ZMAT4: variants seen among roughly 807,000 people sequenced by gnomAD.
ZMAT4 encodes zinc finger matrin-type protein 4.
Under a neutral mutation model 28.7 loss-of-function variants are expected in ZMAT4, and 17 were observed. The observed-to-expected ratio is 0.59, with a 90% CI of 0.41 to 0.89. ZMAT4 has a LOEUF of 0.89. Ranked by LOEUF, ZMAT4 falls within the 40% of genes least tolerant of loss-of-function variation. The probability of loss-of-function intolerance (pLI) is 0.00; values close to 1 mark genes in which losing one functional copy is unlikely to be tolerated. For synonymous variants in ZMAT4, 117 were observed against 109.2 expected (o/e 1.07, Z -0.44); for missense variants, 240 against 283.8 (o/e 0.85, Z 1.11).
intron 1 of ZMAT4, among the ~76,000 whole-genome samples, chr8:40,889,554 T>C (rs967135924): frequency 9.2e-5 from 14 of 152,222 alleles, no homozygotes; most frequent in African/African-American, 3.1e-4. Context: ...ATAACCACCA[T>C]GAAAATTTTG....
At chr8:40,812,537 C>A (rs1372270374) in intron 2 of ZMAT4, among the ~76,000 whole-genome samples, 1 of 152,126 alleles carries the variant, frequency 6.6e-6, no homozygotes, top group African/African-American at 2.4e-5. Context: ...AGACATGATG[C>A]AAAATATAAC....
chr8:40,851,669 A>G (rs966603191), intron 1 of ZMAT4, among the ~76,000 whole-genome samples: 4 of 152,240 alleles, frequency 2.6e-5, no homozygotes, highest in African/African-American at 9.6e-5. Flanking sequence ...TACAATGTAC[A>G]GTGACCAGAT....
chr8:40,566,358 C>T (rs1266830883), intron 6 of ZMAT4, among the ~76,000 whole-genome samples: 1 of 152,118 alleles, frequency 6.6e-6, no homozygotes, highest in Non-Finnish European at 1.5e-5. Context: ...GAGCATTGCC[C>T]AGATCTTTTT....
chr8:40,634,897 A>T (rs1806734268), intron 5 of ZMAT4, among the ~76,000 whole-genome samples: 1 of 152,250 alleles, frequency 6.6e-6, no homozygotes, highest in Admixed American at 6.5e-5. Context: ...TGATGAGGCC[A>T]TTACACACAT....
At chr8:40,668,064 T>C (rs1300585765) in intron 5 of ZMAT4, among the ~76,000 whole-genome samples, 1 of 151,916 alleles carries the variant, frequency 6.6e-6, no homozygotes, top group African/African-American at 2.4e-5. Context: ...AAAAGGAAGG[T>C]GAAGGATCTA....
rs1385104579 is a variant in ZMAT4 at position 40,767,717 on chromosome 8, G to T, written c.116C>A (p.Ala39Glu). ...RVAHYESRKH[A>E]SKVRLYYMLH... ...CATGTAATACAGTCGGACTTTGCTT[G>T]CATGTTTTCGACTCTGGGAAGGAAA... The change falls in exon 3 of 7, where the codon GCA becomes GAA. Residue 39 changes from alanine (A) to glutamate (E), a missense_variant. Coordinates refer to ENST00000297737, the MANE Select transcript of ZMAT4 (RefSeq NM_024645.3). 1 of 1,612,096 alleles carries T rather than the reference G, an allele frequency of 6.2e-7. No individual in the cohort carries two copies. The highest frequency in any genetic ancestry group is 8.5e-7 in the Non-Finnish European group (1 of 1,179,416).
intron 1 of ZMAT4, among the ~76,000 whole-genome samples, chr8:40,890,949 A>G (rs1279660430): frequency 6.6e-6 from 1 of 151,532 alleles, no homozygotes. Context: ...GCCCACCCCA[A>G]ATAAGGAGAA....
At chr8:40,747,952 T>G (rs1020888991) in intron 3 of ZMAT4, among the ~76,000 whole-genome samples, 35 of 152,110 alleles carry the variant, frequency 2.3e-4, no homozygotes, top group African/African-American at 8.2e-4. Flanking sequence ...CAATAAAATA[T>G]CAAAAATTTT....
chr8:40,820,237 C>T (rs900372874), intron 2 of ZMAT4, among the ~76,000 whole-genome samples: 7 of 126,526 alleles, frequency 5.5e-5, no homozygotes, highest in Non-Finnish European at 1.0e-4. Context: ...TGTGTGTGTA[C>T]GTGTGCGCAT....
chr8:40,892,578 A>G (rs1475465923), intron 1 of ZMAT4, among the ~76,000 whole-genome samples: 2 of 152,252 alleles, frequency 1.3e-5, no homozygotes, highest in African/African-American at 4.8e-5. Flanking sequence ...CAAATGGTCT[A>G]TTCAATTTGG....
At chr8:40,626,599 T>C (rs1406061630) in intron 5 of ZMAT4, among the ~76,000 whole-genome samples, 1 of 152,228 alleles carries the variant, frequency 6.6e-6, no homozygotes, top group African/African-American at 2.4e-5. Flanking sequence ...TCTGGGGACT[T>C]AGCAATGTTG....
intron 5 of ZMAT4, among the ~76,000 whole-genome samples, chr8:40,611,392 A>G (rs1805789357): frequency 6.6e-6 from 1 of 151,572 alleles, no homozygotes. Flanking sequence ...TCGCTCTGTC[A>G]CCCAGTGGCG....
chr8:40,870,324 T>A lies in ZMAT4; in HGVS notation c.-5+27359A>T, dbSNP rs188656541. 1.7e-4 allele frequency among the ~76,000 whole-genome samples: 26 copies of A among 152,320 alleles called. No individual in the cohort carries two copies. The East Asian group carries it at 4.6e-3, about 27-fold the overall frequency. On this transcript the variant is annotated intron_variant, in intron 1 of 6. Transcript: ENST00000297737. ...TGTAGCCCAGGACTCTGTATCAGCT[T>A]CAATCATCTGACCCTTCCTCAAGTC...
chr8:40,564,070 T>C (rs1247389776), intron 6 of ZMAT4, among the ~76,000 whole-genome samples: 1 of 152,134 alleles, frequency 6.6e-6, no homozygotes, highest in Admixed American at 6.5e-5. Flanking sequence ...AATATGATCA[T>C]GAAATTACTT....
chr8:40,537,035 A>G (rs531908410), intron 6 of ZMAT4, among the ~76,000 whole-genome samples: 71 of 152,322 alleles, frequency 4.7e-4, no homozygotes, highest in Admixed American at 9.2e-4. Context: ...CAATACAGTC[A>G]TCTAGACAAA....
rs1802663744 is a variant in ZMAT4 at position 40,530,675 on chromosome 8, A to G, written c.*1548T>C. ...AAAGCCTTATTTTACACATCCGAAGAAACACCATCACAGGAGGTTTGTAGG... is the reference window on the plus strand; with the variant it reads ...AAAGCCTTATTTTACACATCCGAAGGAACACCATCACAGGAGGTTTGTAGG... On this transcript the variant is annotated 3_prime_UTR_variant, in exon 7 of 7. Coordinates refer to ENST00000297737, the MANE Select transcript of ZMAT4 (RefSeq NM_024645.3). The G allele has an allele frequency of 6.6e-6, 1 of 152,640 alleles. No individual in the cohort carries two copies. The highest frequency in any genetic ancestry group is 2.1e-4 in the South Asian group (1 of 4,826). The allele number at this position is 152,640 out of a possible 1,614,324, so 9.5% of individuals were successfully genotyped here.
chr8:40,820,942 CAT>C (rs1042207206), intron 2 of ZMAT4, among the ~76,000 whole-genome samples: 8 of 18,192 alleles, frequency 4.4e-4, no homozygotes, highest in South Asian at 1.7e-3. Context: ...AAGTGGGGGG[CAT>C]ATATGTGTGT....
chr8:40,583,978 C>G (rs776506764), intron 5 of ZMAT4, among the ~76,000 whole-genome samples: 3 of 152,154 alleles, frequency 2.0e-5, no homozygotes, highest in Admixed American at 6.5e-5. Flanking sequence ...TGAATTCTGT[C>G]TGCCCTTTGT....
intron 5 of ZMAT4, among the ~76,000 whole-genome samples, chr8:40,613,939 A>ATTTT (rs1805898831): frequency 3.9e-5 from 6 of 152,198 alleles, no homozygotes; most frequent in Admixed American, 2.6e-4. Context: ...CCTGAACAAA[A>ATTTT]GAATGCCCCT....
Sources: gnomAD v4.1 joint callset for allele counts (sites outside exome capture counted in the v4.1 genomes callset) on GRCh38, gnomAD v4.1.1 for gene constraint, MANE v1.5 for transcripts, NCBI Gene and HGNC (gene_info 2026-07-23, HGNC 2026-07-21) for gene names.